CAMK1: variants seen among roughly 807,000 people sequenced by gnomAD.
The protein encoded by CAMK1 is calcium/calmodulin-dependent protein kinase type 1.
A neutral mutation model predicts 49.1 loss-of-function variants in CAMK1; 39 were observed. That is an observed-to-expected ratio of 0.79 (90% CI 0.62 to 1.04). The LOEUF is 1.04. Ranked by LOEUF, CAMK1 falls within the 50% of genes least tolerant of loss-of-function variation. The probability of loss-of-function intolerance (pLI) is 0.00; values close to 1 mark genes in which losing one functional copy is unlikely to be tolerated. For missense variants in CAMK1, 457 were observed against 472.2 expected (o/e 0.97, Z 0.30); for synonymous variants, 192 against 185.2 (o/e 1.04, Z -0.30).
At chr3:9,767,642 G>C in intron 2 of CAMK1, 25 bp downstream of exon 2, 2 of 1,613,428 alleles carry the variant, frequency 1.2e-6, no homozygotes, top group Admixed American at 3.3e-5. Context: ...CAGCCATCCA[G>C]CACCCAATCC....
chr3:9,759,368 G>T, intron 10 of CAMK1, 120 bp downstream of exon 10: 1 of 1,541,622 alleles, frequency 6.5e-7, no homozygotes, highest in Non-Finnish European at 9.0e-7. Flanking sequence ...CCTTCAGTAA[G>T]GATCCCTAAG....
Position 9,765,864 on chromosome 3 carries a change from G to T in CAMK1, c.110C>A (p.Ala37Glu), listed in dbSNP as rs760751220. 4 of 1,613,934 alleles carry T rather than the reference G, an allele frequency of 2.5e-6. No homozygotes were observed. Among genetic ancestry groups the T allele is most frequent in the Non-Finnish European group, 3.4e-6 (4 of 1,179,978 alleles). The change falls in exon 3 of 12, where the codon GCA (alanine) becomes GAA (glutamate). Residue 37 changes from alanine (A) to glutamate (E), a missense_variant. By Grantham distance (107) the Ala-to-Glu change is moderately radical. Coordinates refer to ENST00000256460, the MANE Select transcript of CAMK1 (RefSeq NM_003656.5). ...GTGAFSEVIL[A>E]EDKRTQKLVA... Reference sequence around the variant, plus strand: ...CAGCTTCTGCGTCCTCTTATCTTCTGCCAGGATCACCTCCGAGAAGGCCCC... The same window carrying T: ...CAGCTTCTGCGTCCTCTTATCTTCTTCCAGGATCACCTCCGAGAAGGCCCC...
At position 9,760,908 on chromosome 3, in the gene CAMK1, C is replaced by T. The variant is rs888683788; in HGVS notation, c.633-140G>A. 3 of 1,266,956 alleles carry T rather than the reference C, an allele frequency of 2.4e-6. No homozygotes were observed. The Admixed American group carries it at 7.0e-5, about 29-fold the overall frequency. The allele number at this position is 1,266,956 out of a possible 1,614,324, so 78.5% of individuals were successfully genotyped here. ...ATAAACTCTACCAGCCCTGCCTGCT[C>T]ACTCCTGTTCTAGCTACATTATCCT... is the stretch of plus-strand genomic sequence containing the variant. On this transcript the variant is annotated intron_variant, in intron 7 of 11. Transcript: ENST00000256460.
At position 9,759,765 on chromosome 3, in the gene CAMK1, C is replaced by A; in HGVS notation, c.746-15G>T. On this transcript the variant is annotated splice_polypyrimidine_tract_variant and intron_variant, in intron 8 of 11. Transcript: ENST00000256460. The stretch of plus-strand genomic sequence containing the variant: ...GAAATCTTTGGCTAAACCCCCAAGA[C>A]AAAAGCAAAGATAATGACAGCATGG... 1.2e-6 allele frequency: 2 copies of A among 1,614,130 alleles called. No homozygotes were observed. The highest frequency in any genetic ancestry group is 1.7e-6 in the Non-Finnish European group (2 of 1,180,006).
chr3:9,767,902 A>G (rs1279766527), intron 1 of CAMK1, 121 bp from the exon 2 acceptor site: 1 of 1,330,916 alleles, frequency 7.5e-7, no homozygotes, highest in African/African-American at 1.5e-5. Context: ...CCATTTGACA[A>G]AATCATTCAA....
At chr3:9,764,388 T>C (rs1209842172) in intron 3 of CAMK1, among the ~76,000 whole-genome samples, 1 of 152,074 alleles carries the variant, frequency 6.6e-6, no homozygotes, top group Non-Finnish European at 1.5e-5. Flanking sequence ...TCTTGGCTCA[T>C]CACAATTTCT....
At chr3:9,761,341 TGGAA>T (rs2077859405) in intron 7 of CAMK1, 116 bp downstream of exon 7, 6 of 984,702 alleles carry the variant, frequency 6.1e-6, no homozygotes, top group Non-Finnish European at 9.0e-6. Context: ...AATTGATTGG[TGGAA>T]GGAAGGGAGG....
chr3:9,764,268 C>T (rs1575248794), intron 3 of CAMK1, among the ~76,000 whole-genome samples: 1 of 152,148 alleles, frequency 6.6e-6, no homozygotes. Context: ...GGTAAATACT[C>T]ATAAGTGAAA....
rs371693150 is a variant in CAMK1, at chr3:9,765,995, G to A, written c.84-105C>T. 5.5e-5 allele frequency: 89 copies of A among 1,614,180 alleles called. 1 individual carries two copies. The highest frequency in any genetic ancestry group is 4.9e-4 in the African/African-American group (37 of 75,048). On this transcript the variant is annotated intron_variant, in intron 2 of 11. Coordinates refer to ENST00000256460, the MANE Select transcript of CAMK1 (RefSeq NM_003656.5). Reference sequence around the variant, plus strand: ...CTGTGACCACTGCTGGACCAAGGACGTGGATGACCCTCCCCTAGTCACTCA... The same window carrying A: ...CTGTGACCACTGCTGGACCAAGGACATGGATGACCCTCCCCTAGTCACTCA...
At chr3:9,766,165 G>A (rs1353793612) in intron 2 of CAMK1, 2 of 921,106 alleles carry the variant, frequency 2.2e-6, no homozygotes, top group African/African-American at 1.6e-5. Context: ...CTGGTAGGAT[G>A]TAAGCCTGGA....
chr3:9,763,223 G>A lies in CAMK1; in HGVS notation c.216-10C>T, dbSNP rs368525391. ...GTTGGGGTGCTTGATCCTGAAAGGAGAAATGAGGTGGTTTAGCCAGGCATG... is the reference window on the plus strand; with the variant it reads ...GTTGGGGTGCTTGATCCTGAAAGGAAAAATGAGGTGGTTTAGCCAGGCATG... On this transcript the variant is annotated splice_polypyrimidine_tract_variant and intron_variant, in intron 3 of 11. Coordinates refer to ENST00000256460, the MANE Select transcript of CAMK1 (RefSeq NM_003656.5). The A allele has an allele frequency of 6.2e-7, 1 of 1,613,754 alleles. No individual in the cohort carries two copies. Among genetic ancestry groups the A allele is most frequent in the Non-Finnish European group, 8.5e-7 (1 of 1,180,002 alleles).
At chr3:9,763,344 G>T in intron 3 of CAMK1, 131 bp from the exon 4 acceptor site, 4 of 980,254 alleles carry the variant, frequency 4.1e-6, no homozygotes, top group Non-Finnish European at 5.9e-6. Context: ...AGTCTGTTAT[G>T]ATTGCACCTG....
intron 7 of CAMK1, chr3:9,761,053 A>G (rs910070509): frequency 9.5e-6 from 4 of 420,884 alleles, no homozygotes; most frequent in African/African-American, 6.0e-5. Context: ...CCACTCGGTC[A>G]TCACCTCCAC....
chr3:9,761,501 CCTTGCT>C lies in CAMK1; in HGVS notation c.586_591del (p.Ser196_Lys197del). On this transcript the variant is annotated inframe_deletion, in exon 7 of 12. Transcript: ENST00000256460. Reference sequence around the variant, plus strand: ...ACACCTATGGACCAGCAATCCACAGCCTTGCTGTAGGGCTTCTGGGCCAGGACTTCA... The same window carrying C: ...ACACCTATGGACCAGCAATCCACAGCGTAGGGCTTCTGGGCCAGGACTTCA... 6.2e-7 allele frequency: 1 copy of C among 1,613,484 alleles called. No individual in the cohort carries two copies. Among genetic ancestry groups the C allele is most frequent in the East Asian group, 2.2e-5 (1 of 44,856 alleles).
chr3:9,759,633 C>T (rs370723271), intron 9 of CAMK1, 39 bp downstream of exon 9: 1 of 1,613,984 alleles, frequency 6.2e-7, no homozygotes, highest in African/African-American at 1.3e-5. Flanking sequence ...CTGAGGGCCC[C>T]AAATCCCGCC....
chr3:9,769,250 C>T (rs532909836), intron 1 of CAMK1, among the ~76,000 whole-genome samples: 1 of 152,108 alleles, frequency 6.6e-6, no homozygotes, highest in Admixed American at 6.5e-5. Context: ...CCCAGACACA[C>T]ACACACACAC....
Position 9,762,900 on chromosome 3 carries a change from C to A in CAMK1, c.429+14G>T, listed in dbSNP as rs1194192517. The A allele has an allele frequency of 3.1e-6, 5 of 1,613,704 alleles. No homozygotes were observed. The highest frequency in any genetic ancestry group is 4.2e-6 in the Non-Finnish European group (5 of 1,179,850). On this transcript the variant is annotated intron_variant, in intron 5 of 11. Transcript: ENST00000256460. ...CCTGGGTACCCTAGCTCACCACACC[C>A]CCTTGAGCCCCACCTTGAGATCCCG...
intron 7 of CAMK1, 91 bp downstream of exon 7, chr3:9,761,370 A>G: frequency 7.7e-7 from 1 of 1,303,772 alleles, no homozygotes; most frequent in Non-Finnish European, 1.1e-6. Flanking sequence ...GAAGGAAGGG[A>G]GGGCAGAGGG....
At chr3:9,761,045 A>C (rs2077841278) in intron 7 of CAMK1, 6 of 422,180 alleles carry the variant, frequency 1.4e-5, no homozygotes, top group Non-Finnish European at 2.6e-5. Flanking sequence ...CTCCCTCACC[A>C]CTCGGTCATC....
Sources: gnomAD v4.1 joint callset for allele counts (sites outside exome capture counted in the v4.1 genomes callset) on GRCh38, gnomAD v4.1.1 for gene constraint, MANE v1.5 for transcripts, NCBI Gene and HGNC (gene_info 2026-07-23, HGNC 2026-07-21) for gene names.